SGMS2: variants seen among roughly 807,000 people sequenced by gnomAD.
The protein encoded by SGMS2 is phosphatidylcholine:ceramide cholinephosphotransferase 2.
A neutral mutation model predicts 43.8 loss-of-function variants in SGMS2; 21 were observed. That is an observed-to-expected ratio of 0.48 (90% CI 0.34 to 0.69). SGMS2 has a LOEUF of 0.69. SGMS2 is among the 30% of genes least tolerant of loss of function. The pLI is 0.01. For missense variants in SGMS2, 384 were observed against 443.2 expected, an observed-to-expected ratio of 0.87 and a Z score of 1.20; for synonymous variants, 167 against 160.6, an observed-to-expected ratio of 1.04 and a Z score of -0.30.
intron 1 of SGMS2, among the ~76,000 whole-genome samples, chr4:107,827,252 A>G (rs761304131): frequency 6.6e-6 from 1 of 152,198 alleles, no homozygotes; most frequent in Non-Finnish European, 1.5e-5. Flanking sequence ...GTCTTGAACT[A>G]CTAGTATCAG....
intron 1 of SGMS2, among the ~76,000 whole-genome samples, chr4:107,829,638 G>T (rs549411947): frequency 6.6e-6 from 1 of 152,012 alleles, no homozygotes; most frequent in Non-Finnish European, 1.5e-5. Context: ...TTGATATCTC[G>T]CTTAAAGCTT....
intron 3 of SGMS2, among the ~76,000 whole-genome samples, chr4:107,896,349 C>G (rs140025458): frequency 6.6e-6 from 1 of 152,108 alleles, no homozygotes; most frequent in African/African-American, 2.4e-5. Context: ...AACATTCACT[C>G]CCATCATGTT....
chr4:107,904,694 G>A (rs1731402056), intron 5 of SGMS2, among the ~76,000 whole-genome samples: 2 of 152,252 alleles, frequency 1.3e-5, no homozygotes, highest in South Asian at 4.1e-4. Context: ...CTCTTGTGGT[G>A]GTGGAGTGGG....
intron 2 of SGMS2, among the ~76,000 whole-genome samples, chr4:107,868,195 G>C (rs78362130): frequency 6.6e-6 from 1 of 152,042 alleles, no homozygotes. Context: ...ATTGTTAAAG[G>C]CTTGGAGAAA....
chr4:107,838,899 C>T (rs1345352221), intron 1 of SGMS2, among the ~76,000 whole-genome samples: 2 of 152,158 alleles, frequency 1.3e-5, no homozygotes, highest in African/African-American at 4.8e-5. Context: ...GCACCATCTG[C>T]CTTCTGTAGC....
intron 2 of SGMS2, among the ~76,000 whole-genome samples, chr4:107,876,938 C>G (rs993987807): frequency 5.3e-5 from 8 of 152,082 alleles, no homozygotes; most frequent in African/African-American, 1.9e-4. Flanking sequence ...TCCTTCTTCC[C>G]TGGACTAGCC....
chr4:107,892,550 G>A (rs1030641012), intron 2 of SGMS2, among the ~76,000 whole-genome samples: 19 of 152,130 alleles, frequency 1.2e-4, no homozygotes, highest in African/African-American at 4.6e-4. Context: ...ACAGCCTCGG[G>A]AGGTCTTGAA....
Position 107,914,806 on chromosome 4 carries a change from G to T in SGMS2, c.*4253G>T, listed in dbSNP as rs1240446049. 6.6e-6 allele frequency: 1 copy of T among 152,032 alleles called. No individual in the cohort carries two copies. The highest frequency in any genetic ancestry group is 1.5e-5 in the Non-Finnish European group (1 of 67,980). The allele number at this position is 152,032 out of a possible 1,614,324, so 9.4% of individuals were successfully genotyped here. ...ATTTGTTTTCCATGCTTGTGATTTT[G>T]TGTTTGTAAACATTTCAGGAGGAAT... On this transcript the variant is annotated 3_prime_UTR_variant, in exon 7 of 7. Transcript: ENST00000690982.
In SGMS2 at chr4:107,825,145, C is replaced by T. The variant is rs1213448830; in HGVS notation, c.-435C>T. 6.5e-6 allele frequency: 1 copy of T among 152,684 alleles called. No individual in the cohort carries two copies. Among genetic ancestry groups the T allele is most frequent in the Non-Finnish European group, 1.5e-5 (1 of 68,524 alleles). The allele number at this position is 152,684 out of a possible 1,614,324, so 9.5% of individuals were successfully genotyped here. ...GGCTTCGGCCCGAGGGTGGTGACGC[C>T]CGGGGCTGGTCGCGGCGGCTGCGGC... On this transcript the variant is annotated 5_prime_UTR_variant, in exon 1 of 7. Transcript: ENST00000690982.
At chr4:107,863,472 A>T (rs2126037427) in intron 2 of SGMS2, 1 of 152,292 alleles carries the variant, frequency 6.6e-6, no homozygotes, top group South Asian at 2.1e-4. Flanking sequence ...GAGAAGTGAG[A>T]TCTTTTCCAA....
chr4:107,851,601 G>A (rs1052350253), intron 1 of SGMS2, among the ~76,000 whole-genome samples: 8 of 152,086 alleles, frequency 5.3e-5, no homozygotes, highest in Non-Finnish European at 1.2e-4. Context: ...TTACAGTTTT[G>A]ACAATAACAC....
chr4:107,848,645 A>G (rs1726969073), intron 1 of SGMS2, among the ~76,000 whole-genome samples: 1 of 152,074 alleles, frequency 6.6e-6, no homozygotes, highest in Admixed American at 6.6e-5. Flanking sequence ...TAAATTGCAA[A>G]TCCCTAATTG....
Position 107,910,655 on chromosome 4 carries a change from G to C in SGMS2, c.*102G>C, listed in dbSNP as rs1251257314. 9.3e-7 allele frequency: 1 copy of C among 1,070,912 alleles called. No individual in the cohort carries two copies. The highest frequency in any genetic ancestry group is 2.6e-5 in the East Asian group (1 of 38,528). 66.3% of individuals were successfully genotyped at this position (1,070,912 alleles called of 1,614,324 possible). ...TTAGGAGAACTGACTGGTAAATGAA[G>C]AAATGGACCAAATTTTGTGTAAACG... On this transcript the variant is annotated 3_prime_UTR_variant, in exon 7 of 7. Transcript: ENST00000690982.
chr4:107,885,226 CAT>C (rs1491131953), intron 2 of SGMS2, among the ~76,000 whole-genome samples: 1 of 132,164 alleles, frequency 7.6e-6, no homozygotes, highest in African/African-American at 3.1e-5. Context: ...TGTTTTGTTA[CAT>C]TTTTTTTTTT....
chr4:107,873,780 C>CCA (rs1381882861), intron 2 of SGMS2, among the ~76,000 whole-genome samples: 1 of 151,990 alleles, frequency 6.6e-6, no homozygotes, highest in Non-Finnish European at 1.5e-5. Context: ...GAGCACCTGC[C>CCA]CACAGTTCCC....
intron 1 of SGMS2, among the ~76,000 whole-genome samples, chr4:107,834,623 A>G (rs1290242536): frequency 6.6e-6 from 1 of 152,232 alleles, no homozygotes; most frequent in African/African-American, 2.4e-5. Flanking sequence ...AATCCCAGAG[A>G]ACAACAGCTG....
chr4:107,860,383 A>G (rs1043284098), intron 2 of SGMS2, among the ~76,000 whole-genome samples: 1 of 152,180 alleles, frequency 6.6e-6, no homozygotes, highest in Non-Finnish European at 1.5e-5. Context: ...GCTCTTAAAC[A>G]GTACTGCAGT....
rs1373291152 is a variant in SGMS2, at chr4:107,914,215, TGTTACCCAAAGATAA to T, written c.*3666_*3680del. On this transcript the variant is annotated 3_prime_UTR_variant, in exon 7 of 7. Coordinates refer to ENST00000690982, the MANE Select transcript of SGMS2 (RefSeq NM_001375905.1). ...ACCCAAACACTGAAAATCATGTCAATGTTACCCAAAGATAAGTTTTTATACAGATACACACCTTAT... is the reference window on the plus strand; with the variant it reads ...ACCCAAACACTGAAAATCATGTCAATGTTTTTATACAGATACACACCTTAT... The T allele has an allele frequency of 1.3e-5, 2 of 152,088 alleles. No homozygotes were observed. Among genetic ancestry groups the T allele is most frequent in the African/African-American group, 4.8e-5 (2 of 41,438 alleles). The allele number at this position is 152,088 out of a possible 1,614,324, so 9.4% of individuals were successfully genotyped here.
intron 1 of SGMS2, among the ~76,000 whole-genome samples, chr4:107,847,389 GT>G (rs1196049760): frequency 1.3e-5 from 2 of 152,070 alleles, no homozygotes; most frequent in Admixed American, 6.6e-5. Flanking sequence ...CCCATTGCTT[GT>G]TTTTCTCAGG....
Sources: allele counts gnomAD v4.1 joint callset (sites outside exome capture counted in the v4.1 genomes callset), GRCh38; gene constraint gnomAD v4.1.1; transcripts MANE v1.5; gene names NCBI Gene and HGNC (gene_info 2026-07-23, HGNC 2026-07-21).